RALGPS1: variants seen among roughly 807,000 people sequenced by gnomAD.
The protein encoded by RALGPS1 is ras-specific guanine nucleotide-releasing factor RalGPS1.
Under a neutral mutation model 78.8 loss-of-function variants are expected in RALGPS1, and 19 were observed. That is an observed-to-expected ratio of 0.24 (90% CI 0.17 to 0.35). The LOEUF is 0.35. Ranked by LOEUF, RALGPS1 falls within the 10% of genes least tolerant of loss-of-function variation. RALGPS1 has a pLI of 1.00. For synonymous variants in RALGPS1, 228 were observed against 256.3 expected, an observed-to-expected ratio of 0.89 and a Z score of 1.06; for missense variants, 454 against 688.3, an observed-to-expected ratio of 0.66 and a Z score of 3.81.
chr9:127,078,870 T>G (rs1426147748), intron 8 of RALGPS1, among the ~76,000 whole-genome samples: 1 of 152,240 alleles, frequency 6.6e-6, no homozygotes, highest in Non-Finnish European at 1.5e-5. Flanking sequence ...AAAACTCATG[T>G]TTACTGTTTT....
At chr9:127,115,405 T>C (rs2055296429) in intron 8 of RALGPS1, among the ~76,000 whole-genome samples, 1 of 152,162 alleles carries the variant, frequency 6.6e-6, no homozygotes, top group Admixed American at 6.5e-5. Flanking sequence ...GGTTGCGGTC[T>C]TATGTAGTTA....
At chr9:127,068,924 C>T (rs1477981582) in intron 7 of RALGPS1, among the ~76,000 whole-genome samples, 2 of 152,202 alleles carry the variant, frequency 1.3e-5, no homozygotes, top group African/African-American at 4.8e-5. Context: ...CATCCAGGTG[C>T]TGCTATGGCA....
chr9:127,165,741 G>A (rs984836193), intron 8 of RALGPS1, among the ~76,000 whole-genome samples: 6 of 152,288 alleles, frequency 3.9e-5, no homozygotes, highest in Admixed American at 3.9e-4. Context: ...TTCAGCAGTT[G>A]GTAAGAAACA....
rs561384365 is a variant in RALGPS1 at position 127,122,092 on chromosome 9, C to T, written c.611-43977C>T. 4.6e-5 allele frequency among the ~76,000 whole-genome samples: 7 copies of T among 152,322 alleles called. No individual in the cohort carries two copies. The highest frequency in any genetic ancestry group is 9.6e-5 in the African/African-American group (4 of 41,570). On this transcript the variant is annotated intron_variant, in intron 8 of 18. Transcript: ENST00000259351. This position sits in a 1 kb window ranked among gnomAD's most constrained non-coding sequence, Gnocchi z 6.4. ...GAGTGAGGCTTACTCATGAAGTCCT[C>T]GAGATGCCAGCCCATGATCATGTGC... is the stretch of plus-strand genomic sequence containing the variant.
Position 127,221,581 on chromosome 9 carries a change from C to T in RALGPS1, c.*2812C>T, listed in dbSNP as rs1286701595. The T allele has an allele frequency of 3.3e-5, 5 of 152,104 alleles. No individual in the cohort carries two copies. Among genetic ancestry groups the T allele is most frequent in the East Asian group, 1.9e-4 (1 of 5,204 alleles). 9.4% of individuals were successfully genotyped at this position (152,104 alleles called of 1,614,324 possible). On this transcript the variant is annotated 3_prime_UTR_variant, in exon 19 of 19. Coordinates refer to ENST00000259351, the MANE Select transcript of RALGPS1 (RefSeq NM_014636.3). Reference sequence around the variant, plus strand: ...TGACATACTTGATGGAGGATTGATTCGGTAGAGAGCAGTAGAAATCTTGTT... The same window carrying T: ...TGACATACTTGATGGAGGATTGATTTGGTAGAGAGCAGTAGAAATCTTGTT...
At position 126,989,506 on chromosome 9, in the gene RALGPS1, G is replaced by A. The variant is rs577045613; in HGVS notation, c.216+11761G>A. The stretch of plus-strand genomic sequence containing the variant: ...GGCCTGGACTGTGGGCCTTGGAGGT[G>A]AGGAACCAGAACATCCCCAGTATCT... On this transcript the variant is annotated intron_variant, in intron 4 of 18. Coordinates refer to ENST00000259351, the MANE Select transcript of RALGPS1 (RefSeq NM_014636.3). 5.3e-5 allele frequency among the ~76,000 whole-genome samples: 8 copies of A among 152,256 alleles called. 1 individual carries two copies. In the South Asian group the frequency reaches 1.7e-3, roughly 32 times the overall value.
intron 1 of RALGPS1, among the ~76,000 whole-genome samples, chr9:126,954,275 C>T (rs1306458013): frequency 6.6e-6 from 1 of 152,212 alleles, no homozygotes. Context: ...CCTCTCTCTT[C>T]TTTTCCCCCT....
At chr9:127,161,885 T>C (rs1170325912) in intron 8 of RALGPS1, among the ~76,000 whole-genome samples, 4 of 152,220 alleles carry the variant, frequency 2.6e-5, no homozygotes, top group Admixed American at 6.5e-5. Context: ...CGGTGCACTC[T>C]CAGCTTCAGT....
chr9:127,028,760 A>G (rs12348105), intron 4 of RALGPS1, among the ~76,000 whole-genome samples: 12,868 of 152,272 alleles, frequency 0.085, 1,799 homozygotes, highest in African/African-American at 0.29. Flanking sequence ...TTCAATTCCT[A>G]TAACTACCTT....
At chr9:127,035,334 G>A (rs1408908757) in intron 5 of RALGPS1, among the ~76,000 whole-genome samples, 1 of 152,188 alleles carries the variant, frequency 6.6e-6, no homozygotes, top group East Asian at 1.9e-4. Context: ...TGTGCTCCAG[G>A]TATGAAGATC....
chr9:126,958,795 T>C (rs1169115757), intron 1 of RALGPS1, among the ~76,000 whole-genome samples: 1 of 152,230 alleles, frequency 6.6e-6, no homozygotes, highest in Admixed American at 6.5e-5. Context: ...GTAGAATTAC[T>C]GGGTCATGTG....
intron 1 of RALGPS1, among the ~76,000 whole-genome samples, chr9:126,958,725 C>T (rs1368211082): frequency 1.3e-5 from 2 of 152,148 alleles, no homozygotes; most frequent in African/African-American, 4.8e-5. Flanking sequence ...GTGCTATAAG[C>T]ATTCATGTTC....
chr9:127,089,469 C>T (rs1028410612), intron 8 of RALGPS1, among the ~76,000 whole-genome samples: 1 of 152,148 alleles, frequency 6.6e-6, no homozygotes, highest in Non-Finnish European at 1.5e-5. Flanking sequence ...ACACCTAGCC[C>T]AGGGCTGGGT....
At chr9:126,990,658 G>A (rs1050918984) in intron 4 of RALGPS1, among the ~76,000 whole-genome samples, 5 of 152,226 alleles carry the variant, frequency 3.3e-5, no homozygotes, top group African/African-American at 1.2e-4. Flanking sequence ...AGAGCTCCGA[G>A]GTAGTGCTCC....
intron 8 of RALGPS1, among the ~76,000 whole-genome samples, chr9:127,156,449 T>C (rs115793159): frequency 0.012 from 1,757 of 152,308 alleles, 38 homozygotes; most frequent in East Asian, 0.052. Flanking sequence ...CTAAATATTA[T>C]CGATTTTTAA....
At chr9:127,042,736 T>G (rs1311192466) in intron 5 of RALGPS1, among the ~76,000 whole-genome samples, 1 of 152,162 alleles carries the variant, frequency 6.6e-6, no homozygotes, top group African/African-American at 2.4e-5. Flanking sequence ...AAAACAACCT[T>G]TATACATAGG....
At chr9:127,176,387 G>A (rs1287873198) in intron 11 of RALGPS1, among the ~76,000 whole-genome samples, 2 of 152,156 alleles carry the variant, frequency 1.3e-5, no homozygotes, top group African/African-American at 4.8e-5. Context: ...TAGGTGCGCA[G>A]TCACCTACAA....
chr9:127,188,112 A>T (rs2060778465), intron 11 of RALGPS1, among the ~76,000 whole-genome samples: 1 of 121,536 alleles, frequency 8.2e-6, no homozygotes, highest in South Asian at 2.9e-4. Flanking sequence ...CTCAGGCTGG[A>T]GTGCAGTGGC....
intron 4 of RALGPS1, among the ~76,000 whole-genome samples, chr9:127,028,377 T>G (rs2046138026): frequency 6.6e-6 from 1 of 152,274 alleles, no homozygotes; most frequent in Non-Finnish European, 1.5e-5. Context: ...TTACATATTA[T>G]TTCATTTAGA....
Sources: gnomAD v4.1 joint callset for allele counts (sites outside exome capture counted in the v4.1 genomes callset) on GRCh38, gnomAD v4.1.1 for gene constraint, Gnocchi (gnomAD v3.1) non-coding constraint, MANE v1.5 for transcripts, NCBI Gene and HGNC (gene_info 2026-07-23, HGNC 2026-07-21) for gene names.